The following SERPINA10 variants were observed in gnomAD, a reference collection of about 807,000 sequenced individuals.
SERPINA10 encodes the protein protein Z-dependent protease inhibitor.
SERPINA10 carries 24 observed loss-of-function variants against 28.0 expected under a neutral mutation model. The observed-to-expected ratio is 0.86, with a 90% CI of 0.62 to 1.20. SERPINA10 has a LOEUF of 1.20. Ranked by LOEUF, SERPINA10 falls within the 50% of genes most tolerant of loss-of-function variation. The pLI is 0.00. For synonymous variants in SERPINA10, 207 were observed against 203.9 expected, an observed-to-expected ratio of 1.02 and a Z score of -0.13; for missense variants, 521 against 537.7, an observed-to-expected ratio of 0.97 and a Z score of 0.31.
At chr14:94,288,821 G>A (rs903961763) in intron 2 of SERPINA10, among the ~76,000 whole-genome samples, 2 of 152,106 alleles carry the variant, frequency 1.3e-5, no homozygotes, top group Non-Finnish European at 2.9e-5. Flanking sequence ...AATCGCACAC[G>A]AAAGCAGGGA....
chr14:94,286,099 C>T lies in SERPINA10; in HGVS notation c.1143+9G>A. 1 of 1,614,076 alleles carries T rather than the reference C, an allele frequency of 6.2e-7. No individual in the cohort carries two copies. The highest frequency in any genetic ancestry group is 8.5e-7 in the Non-Finnish European group (1 of 1,179,988). On this transcript the variant is annotated intron_variant, in intron 4 of 4. Coordinates refer to ENST00000261994, the MANE Select transcript of SERPINA10 (RefSeq NM_001100607.3). ...TGAGGTTGGGCTCTGATGAAAGATCCTGACTTACCCTGGATACTTGGAGAT... is the reference window on the plus strand; with the variant it reads ...TGAGGTTGGGCTCTGATGAAAGATCTTGACTTACCCTGGATACTTGGAGAT...
chr14:94,290,721 C>A (rs1434221804), intron 1 of SERPINA10, 78 bp from the exon 2 acceptor site: 2 of 1,478,430 alleles, frequency 1.4e-6, no homozygotes, highest in Non-Finnish European at 1.8e-6. Context: ...TCTTCAGGGA[C>A]CCTGCCTCCT....
rs558148232 is a variant in SERPINA10 at position 94,283,183 on chromosome 14, C to T, written c.*782G>A. 1.6e-4 allele frequency: 24 copies of T among 152,338 alleles called. No homozygotes were observed. The highest frequency in any genetic ancestry group is 5.5e-4 in the African/African-American group (23 of 41,578). 9.4% of individuals were successfully genotyped at this position (152,338 alleles called of 1,614,324 possible). On this transcript the variant is annotated 3_prime_UTR_variant, in exon 5 of 5. Transcript: ENST00000261994. ...AGGCTTTATCTTGACATAGTGTTCTCATCTGCAACTTTTTAAAAATGAAAA... is the reference window on the plus strand; with the variant it reads ...AGGCTTTATCTTGACATAGTGTTCTTATCTGCAACTTTTTAAAAATGAAAA...
intron 1 of SERPINA10, chr14:94,292,467 C>T (rs917723061): frequency 6.6e-5 from 41 of 623,544 alleles, no homozygotes; most frequent in South Asian, 4.6e-4. Context: ...AAAACGATTA[C>T]GTGGCATCAT....
At chr14:94,289,196 C>A (rs1895099495) in intron 2 of SERPINA10, among the ~76,000 whole-genome samples, 1 of 152,218 alleles carries the variant, frequency 6.6e-6, no homozygotes, top group African/African-American at 2.4e-5. Flanking sequence ...AAAGTGGCAT[C>A]CAACCCACGT....
Position 94,282,271 on chromosome 14 carries a change from CATT to C in SERPINA10, c.*1691_*1693del, listed in dbSNP as rs1894920277. On this transcript the variant is annotated 3_prime_UTR_variant, in exon 5 of 5. Transcript: ENST00000261994. ...TAAATGAATTTTAGGTTTTTTTAAA[CATT>C]AGATAGCAGACAGACAGAAATCCAA... is the stretch of plus-strand genomic sequence containing the variant. 1 of 151,700 alleles carries C rather than the reference CATT, an allele frequency of 6.6e-6. No homozygotes were observed. Among genetic ancestry groups the C allele is most frequent in the Non-Finnish European group, 1.5e-5 (1 of 67,920 alleles). The allele number at this position is 151,700 out of a possible 1,614,324, so 9.4% of individuals were successfully genotyped here.
At position 94,283,186 on chromosome 14, in the gene SERPINA10, C is replaced by T. The variant is rs1894938725; in HGVS notation, c.*779G>A. 6.6e-6 allele frequency: 1 copy of T among 152,214 alleles called. No individual in the cohort carries two copies. Among genetic ancestry groups the T allele is most frequent in the Non-Finnish European group, 1.5e-5 (1 of 68,048 alleles). The allele number at this position is 152,214 out of a possible 1,614,324, so 9.4% of individuals were successfully genotyped here. ...CTTTATCTTGACATAGTGTTCTCAT[C>T]TGCAACTTTTTAAAAATGAAAATAT... On this transcript the variant is annotated 3_prime_UTR_variant, in exon 5 of 5. Transcript: ENST00000261994.
chr14:94,285,964 T>A, intron 4 of SERPINA10, 144 bp downstream of exon 4: 1 of 979,608 alleles, frequency 1.0e-6, no homozygotes, highest in Non-Finnish European at 1.6e-6. Context: ...ACATCCAACC[T>A]GGGTGCTATT....
At chr14:94,289,286 T>C (rs976299582) in intron 2 of SERPINA10, among the ~76,000 whole-genome samples, 1 of 152,244 alleles carries the variant, frequency 6.6e-6, no homozygotes, top group African/African-American at 2.4e-5. Flanking sequence ...GTTTTGCCTC[T>C]GCCACTTACT....
chr14:94,292,833 C>T (rs1895212149), intron 1 of SERPINA10: 1 of 608,618 alleles, frequency 1.6e-6, no homozygotes, highest in Non-Finnish European at 3.0e-6. Flanking sequence ...GAATCACCAG[C>T]TCACCTGCCA....
At position 94,288,533 on chromosome 14, in the gene SERPINA10, C is replaced by A. The variant is rs777720450; in HGVS notation, c.745G>T (p.Val249Phe). The change falls in exon 3 of 5, where the codon GTC becomes TTC. Residue 249 changes from valine to phenylalanine, a missense_variant. Val to Phe is a conservative substitution (Grantham distance 50). Coordinates refer to ENST00000261994, the MANE Select transcript of SERPINA10 (RefSeq NM_001100607.3). ...KGKWLTPFDPVFTEVDTFHLD... is the reference protein window; with the variant it reads ...KGKWLTPFDPFFTEVDTFHLD... ...TGGAAAGTGTCGACTTCGGTGAAGA[C>A]AGGGTCAAATGGGGTCAACCATTTC... The A allele has an allele frequency of 2.5e-6, 4 of 1,614,204 alleles. No homozygotes were observed. In the South Asian group the frequency reaches 4.4e-5, roughly 18 times the overall value.
At position 94,281,799 on chromosome 14, in the gene SERPINA10, A is replaced by G. The variant is rs2139687503; in HGVS notation, c.*2166T>C. The G allele has an allele frequency of 6.6e-6, 1 of 152,324 alleles. No individual in the cohort carries two copies. Among genetic ancestry groups the G allele is most frequent in the East Asian group, 1.9e-4 (1 of 5,172 alleles). The allele number at this position is 152,324 out of a possible 1,614,324, so 9.4% of individuals were successfully genotyped here. On this transcript the variant is annotated 3_prime_UTR_variant, in exon 5 of 5. Transcript: ENST00000261994. ...CAGGAGTTTTTTATCTGCATGCTAT[A>G]TGAATCCTTCAATAATAATGTACCT...
In SERPINA10 at chr14:94,292,945, C is replaced by G. The variant is rs1440784268; in HGVS notation, c.-51+244G>C. ...GAGTGGTGGTGGGTGAAATATCAAG[C>G]CTTTCAAGCCTCTTTCCCTTGGCCT... On this transcript the variant is annotated intron_variant, in intron 1 of 4. Transcript: ENST00000261994. 4 of 466,906 alleles carry G rather than the reference C, an allele frequency of 8.6e-6. No homozygotes were observed. In the East Asian group the frequency reaches 1.4e-4, roughly 16 times the overall value. 28.9% of individuals were successfully genotyped at this position (466,906 alleles called of 1,614,324 possible).
chr14:94,286,532 T>TA (rs879315681), intron 3 of SERPINA10, among the ~76,000 whole-genome samples: 26 of 152,164 alleles, frequency 1.7e-4, no homozygotes, highest in Admixed American at 3.3e-4. Flanking sequence ...CCCTATATTT[T>TA]AAAAAAAACC....
chr14:94,284,507 A>G (rs1303830112), intron 4 of SERPINA10, among the ~76,000 whole-genome samples: 7 of 152,214 alleles, frequency 4.6e-5, no homozygotes, highest in Admixed American at 3.9e-4. Flanking sequence ...AAGGTTTTCA[A>G]GCTGCCTGGA....
chr14:94,284,308 T>C, intron 4 of SERPINA10, 152 bp from the exon 5 acceptor site: 1 of 751,448 alleles, frequency 1.3e-6, no homozygotes. Context: ...AGAGGAGTGG[T>C]CTGGGGTTGC....
In SERPINA10 at chr14:94,290,095, A is replaced by G. The variant is rs1229538806; in HGVS notation, c.499T>C (p.Phe167Leu). 1.2e-6 allele frequency: 2 copies of G among 1,614,244 alleles called. No homozygotes were observed. The highest frequency in any genetic ancestry group is 1.7e-6 in the Non-Finnish European group (2 of 1,180,036). The stretch of plus-strand genomic sequence containing the variant: ...TTGACATCAAAATCCTTGTGGATGA[A>G]GGCAAAACTCCCCTGTGTGAGGCCC... ...ELGLTQGSFAFIHKDFDVKET... is the reference protein window; with the variant it reads ...ELGLTQGSFALIHKDFDVKET... The change falls in exon 2 of 5, where the codon TTC becomes CTC. Residue 167 changes from phenylalanine to leucine, a missense_variant. By Grantham distance (22) the Phe-to-Leu change is conservative. Coordinates refer to ENST00000261994, the MANE Select transcript of SERPINA10 (RefSeq NM_001100607.3).
rs766919672 is a variant in SERPINA10, at chr14:94,290,353, T to C, written c.241A>G (p.Asn81Asp). The C allele has an allele frequency of 6.2e-7, 1 of 1,614,214 alleles. No homozygotes were observed. The highest frequency in any genetic ancestry group is 1.7e-5 in the Admixed American group (1 of 60,022). Residue 81 changes from asparagine (N) to aspartate (D), a missense_variant, in exon 2 of 5, where the codon AAC (asparagine) becomes GAC (aspartate). Coordinates refer to ENST00000261994, the MANE Select transcript of SERPINA10 (RefSeq NM_001100607.3). ...SRQQLAKETSNFGFSLLRKIS... is the reference protein window; with the variant it reads ...SRQQLAKETSDFGFSLLRKIS... ...TTTCGCAGCAGGCTGAATCCGAAGTTTGAAGTCTCCTTGGCAAGCTGCTGC... is the reference window on the plus strand; with the variant it reads ...TTTCGCAGCAGGCTGAATCCGAAGTCTGAAGTCTCCTTGGCAAGCTGCTGC...
At chr14:94,286,837 GTTAT>G (rs1895036197) in intron 3 of SERPINA10, among the ~76,000 whole-genome samples, 1 of 152,160 alleles carries the variant, frequency 6.6e-6, no homozygotes, top group African/African-American at 2.4e-5. Flanking sequence ...AATTTAAAAA[GTTAT>G]TCATTCAGCA....
Sources: gnomAD v4.1 joint callset for allele counts (sites outside exome capture counted in the v4.1 genomes callset) on GRCh38, gnomAD v4.1.1 for gene constraint, MANE v1.5 for transcripts, NCBI Gene and HGNC (gene_info 2026-07-23, HGNC 2026-07-21) for gene names.